Variants in AGBL4 observed in about 807,000 individuals in gnomAD.
AGBL4 encodes cytosolic carboxypeptidase 6.
In AGBL4, 58 loss-of-function variants were observed where a neutral mutation model predicts 66.4. The observed-to-expected ratio is 0.87, with a 90% CI of 0.71 to 1.09. AGBL4 has a LOEUF of 1.09. Among genes scored for constraint, AGBL4 ranks in the 50% least tolerant of loss-of-function variants. The probability of loss-of-function intolerance (pLI) is 0.00; values close to 1 mark genes in which losing one functional copy is unlikely to be tolerated. For synonymous variants in AGBL4, 234 were observed against 222.9 expected (o/e 1.05, Z -0.44); for missense variants, 579 against 631.0 (o/e 0.92, Z 0.88).
At chr1:48,543,204 T>C (rs2148267980) in intron 11 of AGBL4, among the ~76,000 whole-genome samples, 1 of 152,240 alleles carries the variant, frequency 6.6e-6, no homozygotes, top group South Asian at 2.1e-4. Flanking sequence ...CTCACACCCC[T>C]GACTCAGGAG....
At chr1:49,335,771 C>T (rs1007070151) in intron 3 of AGBL4, among the ~76,000 whole-genome samples, 19 of 152,150 alleles carry the variant, frequency 1.2e-4, no homozygotes, top group Middle Eastern at 6.8e-3. Flanking sequence ...CACCTTGGCC[C>T]CCCAAAATGC....
chr1:49,504,998 T>A (rs924115816), intron 3 of AGBL4, among the ~76,000 whole-genome samples: 1 of 152,002 alleles, frequency 6.6e-6, no homozygotes, highest in African/African-American at 2.4e-5. Flanking sequence ...TGCTTTTTTA[T>A]CTTTTGTGTA....
chr1:48,522,714 G>A, the AGBL4 span, among the ~76,000 whole-genome samples: 5 of 151,974 alleles, frequency 3.3e-5, no homozygotes, highest in Non-Finnish European at 5.9e-5. Context: ...AAGAATCTTT[G>A]GAAGGCGGGA....
chr1:49,712,797 G>A (rs1344874538), intron 2 of AGBL4, among the ~76,000 whole-genome samples: 2 of 151,748 alleles, frequency 1.3e-5, no homozygotes, highest in African/African-American at 4.8e-5. Flanking sequence ...TTAGTATCTG[G>A]GTTATCTTGA....
intron 3 of AGBL4, among the ~76,000 whole-genome samples, chr1:49,451,856 A>C (rs1570748954): frequency 1.3e-5 from 2 of 151,996 alleles, no homozygotes; most frequent in African/African-American, 4.8e-5. Context: ...GGGGAACCTG[A>C]ATACTGCTGT....
intron 3 of AGBL4, among the ~76,000 whole-genome samples, chr1:49,404,279 C>G (rs1193580295): frequency 6.6e-6 from 1 of 152,170 alleles, no homozygotes; most frequent in Non-Finnish European, 1.5e-5. Flanking sequence ...AGAAAGCTTT[C>G]TCTCTGAGAA....
intron 2 of AGBL4, among the ~76,000 whole-genome samples, chr1:49,836,363 A>G (rs573293522): frequency 5.9e-5 from 9 of 152,160 alleles, no homozygotes; most frequent in Middle Eastern, 3.4e-3. Context: ...CGCTTGATCA[A>G]TTCATCTATT....
chr1:49,285,662 A>T (rs1311114909), intron 3 of AGBL4, among the ~76,000 whole-genome samples: 1 of 152,234 alleles, frequency 6.6e-6, no homozygotes, highest in Non-Finnish European at 1.5e-5. Context: ...AGAATCAAAT[A>T]GAACAATAAA....
At chr1:48,629,790 T>C (rs937111092) in intron 9 of AGBL4, among the ~76,000 whole-genome samples, 5 of 152,178 alleles carry the variant, frequency 3.3e-5, no homozygotes, top group African/African-American at 1.2e-4. Flanking sequence ...GGGAAATCTC[T>C]GTCACCAGAT....
At chr1:48,778,411 C>A (rs180720673) in intron 6 of AGBL4, among the ~76,000 whole-genome samples, 1 of 152,154 alleles carries the variant, frequency 6.6e-6, no homozygotes, top group Non-Finnish European at 1.5e-5. Context: ...TCCTCACAAC[C>A]TTTACAATCT....
intron 3 of AGBL4, among the ~76,000 whole-genome samples, chr1:49,633,719 C>A (rs934461237): frequency 5.3e-5 from 8 of 151,536 alleles, no homozygotes; most frequent in Non-Finnish European, 1.0e-4. Context: ...ATAGTTATTT[C>A]TTCATGATCA....
At chr1:48,792,333 A>T (rs924432366) in intron 6 of AGBL4, among the ~76,000 whole-genome samples, 20 of 152,162 alleles carry the variant, frequency 1.3e-4, no homozygotes, top group Admixed American at 1.3e-4. Context: ...TTGATTTTGG[A>T]CTTGTATCAA....
At chr1:49,058,781 T>C (rs1644350529) in intron 4 of AGBL4, among the ~76,000 whole-genome samples, 1 of 152,134 alleles carries the variant, frequency 6.6e-6, no homozygotes, top group African/African-American at 2.4e-5. Context: ...TAGCCTGAGG[T>C]GGTCTCAGAT....
intron 2 of AGBL4, among the ~76,000 whole-genome samples, chr1:49,761,576 CA>C (rs1652319409): frequency 1.3e-5 from 2 of 152,110 alleles, no homozygotes; most frequent in South Asian, 4.1e-4. Flanking sequence ...CTTAAATTGA[CA>C]CATTGTAATT....
chr1:49,706,101 T>G (rs957818943), intron 2 of AGBL4, among the ~76,000 whole-genome samples: 1 of 152,230 alleles, frequency 6.6e-6, no homozygotes, highest in African/African-American at 2.4e-5. Context: ...TTCTATTGTT[T>G]GAAATAGTTT....
At chr1:49,236,466 A>T (rs551352980) in intron 4 of AGBL4, among the ~76,000 whole-genome samples, 2 of 152,258 alleles carry the variant, frequency 1.3e-5, no homozygotes, top group African/African-American at 4.8e-5. Context: ...TCTATAAAAT[A>T]TTTGTATGGT....
rs1644426056 is a variant in AGBL4, at chr1:48,563,375, C to G, written c.1267+23629G>C. The stretch of plus-strand genomic sequence containing the variant: ...AATTCTATAGCAGCCATCAATTAAC[C>G]ACTGGGCAGAGACTGGCCTCATCCC... On this transcript the variant is annotated intron_variant, in intron 11 of 13. Transcript: ENST00000371839. Among the ~76,000 whole-genome samples, 6 of 152,192 alleles carry G rather than the reference C, an allele frequency of 3.9e-5. No homozygotes were observed. In the South Asian group the frequency reaches 1.2e-3, roughly 32 times the overall value.
chr1:49,241,627 T>G (rs982884799), intron 4 of AGBL4, among the ~76,000 whole-genome samples: 1 of 152,060 alleles, frequency 6.6e-6, no homozygotes, highest in Non-Finnish European at 1.5e-5. Flanking sequence ...CTCTTGTCAC[T>G]GTTATGTTTT....
At chr1:49,821,658 G>A (rs1645373850) in intron 2 of AGBL4, among the ~76,000 whole-genome samples, 1 of 152,130 alleles carries the variant, frequency 6.6e-6, no homozygotes, top group East Asian at 1.9e-4. Context: ...AAGACATTTG[G>A]TATGTTTTAA....
Sources: allele counts gnomAD v4.1 joint callset (sites outside exome capture counted in the v4.1 genomes callset), GRCh38; gene constraint gnomAD v4.1.1; transcripts MANE v1.5; gene names NCBI Gene and HGNC (gene_info 2026-07-23, HGNC 2026-07-21).